The following SETD3 variants were observed in gnomAD, a reference collection of about 807,000 sequenced individuals.
SETD3 encodes SET domain containing 3, actin N3(tau)-histidine methyltransferase.
A neutral mutation model predicts 63.0 loss-of-function variants in SETD3; 19 were observed. That is an observed-to-expected ratio of 0.30 (90% CI 0.21 to 0.44). The LOEUF is 0.44. Ranked by LOEUF, SETD3 falls within the 20% of genes least tolerant of loss-of-function variation. The probability of loss-of-function intolerance (pLI) is 1.00; values close to 1 mark genes in which losing one functional copy is unlikely to be tolerated. For missense variants in SETD3, 587 were observed against 728.5 expected (o/e 0.81, Z 2.24); for synonymous variants, 286 against 264.1 (o/e 1.08, Z -0.80).
chr14:99,408,797 G>A (rs1174866474), intron 8 of SETD3, among the ~76,000 whole-genome samples: 1 of 152,132 alleles, frequency 6.6e-6, no homozygotes, highest in African/African-American at 2.4e-5. Flanking sequence ...CCTCTAGGAC[G>A]GTATCAAGTG....
chr14:99,424,069 A>T (rs1048681352), intron 6 of SETD3, among the ~76,000 whole-genome samples: 2 of 152,224 alleles, frequency 1.3e-5, no homozygotes, highest in African/African-American at 4.8e-5. Context: ...TAGTTTAATC[A>T]GTGCAGATCT....
intron 6 of SETD3, among the ~76,000 whole-genome samples, chr14:99,421,645 T>A (rs1018468970): frequency 6.6e-6 from 1 of 152,210 alleles, no homozygotes; most frequent in Non-Finnish European, 1.5e-5. Context: ...CATCATTTGC[T>A]GAGCGCTCTG....
At chr14:99,406,381 T>C (rs2139622613) in intron 9 of SETD3, 135 bp downstream of exon 9, 1 of 758,378 alleles carries the variant, frequency 1.3e-6, no homozygotes, top group Non-Finnish European at 2.3e-6. Flanking sequence ...TCAAGATGTG[T>C]TCCAGAAAAA....
At chr14:99,404,804 T>C (rs903882286) in intron 10 of SETD3, among the ~76,000 whole-genome samples, 16 of 152,222 alleles carry the variant, frequency 1.1e-4, no homozygotes, top group African/African-American at 2.9e-4. Flanking sequence ...AAGAAAATCT[T>C]AAAGAACTTA....
intron 6 of SETD3, among the ~76,000 whole-genome samples, chr14:99,430,051 C>T (rs1003552924): frequency 6.6e-6 from 1 of 152,140 alleles, no homozygotes; most frequent in Admixed American, 6.5e-5. Context: ...TCAAGATGGG[C>T]CTGATGGGCC....
intron 2 of SETD3, among the ~76,000 whole-genome samples, chr14:99,465,138 A>G (rs1254126558): frequency 2.0e-5 from 3 of 152,310 alleles, no homozygotes; most frequent in Non-Finnish European, 4.4e-5. Context: ...CCTGTTTAAA[A>G]AAGAAAAAAA....
At chr14:99,410,268 G>GT (rs1361342520) in intron 8 of SETD3, 10 of 1,612,560 alleles carry the variant, frequency 6.2e-6, no homozygotes, top group Non-Finnish European at 8.5e-6. Flanking sequence ...CACGGAGGGT[G>GT]TGGGGGGACA....
intron 6 of SETD3, among the ~76,000 whole-genome samples, chr14:99,453,461 G>A (rs927626711): frequency 3.9e-5 from 6 of 152,086 alleles, no homozygotes; most frequent in African/African-American, 1.4e-4. Flanking sequence ...TCCTGCCACC[G>A]CAGTGCACCT....
At chr14:99,466,750 T>C (rs769719101) in intron 1 of SETD3, among the ~76,000 whole-genome samples, 5 of 151,970 alleles carry the variant, frequency 3.3e-5, no homozygotes, top group East Asian at 3.9e-4. Context: ...GACAGGGTGA[T>C]AGTCACTGCC....
intron 1 of SETD3, among the ~76,000 whole-genome samples, chr14:99,472,952 G>T (rs1158058415): frequency 6.6e-6 from 1 of 152,132 alleles, no homozygotes; most frequent in Admixed American, 6.6e-5. Flanking sequence ...CTATAAAAAG[G>T]AACAGCTAAG....
At chr14:99,461,105 CACGTCT>C in intron 4 of SETD3, 81 bp downstream of exon 4, 1 of 1,472,686 alleles carries the variant, frequency 6.8e-7, no homozygotes. Flanking sequence ...TCCCCCACCA[CACGTCT>C]ACCTCTTCAC....
At chr14:99,429,205 A>C (rs1893041990) in intron 6 of SETD3, among the ~76,000 whole-genome samples, 1 of 152,140 alleles carries the variant, frequency 6.6e-6, no homozygotes, top group Non-Finnish European at 1.5e-5. Flanking sequence ...AACCCAGTAA[A>C]TGTTAGTGCC....
intron 6 of SETD3, among the ~76,000 whole-genome samples, chr14:99,421,048 C>A (rs1474637511): frequency 8.1e-6 from 1 of 123,980 alleles, no homozygotes; most frequent in East Asian, 2.4e-4. Flanking sequence ...CCTTTTGACA[C>A]TACCTGTCTC....
chr14:99,430,787 T>C (rs1468828752), intron 6 of SETD3, among the ~76,000 whole-genome samples: 2 of 152,172 alleles, frequency 1.3e-5, no homozygotes, highest in Non-Finnish European at 2.9e-5. Flanking sequence ...ACGAGCACCA[T>C]GCCCACCTGC....
chr14:99,463,655 T>G, intron 2 of SETD3, 77 bp from the exon 3 acceptor site: 2 of 1,160,922 alleles, frequency 1.7e-6, no homozygotes, highest in Non-Finnish European at 2.5e-6. Context: ...GAAAGAGGAT[T>G]TGGACTTTGT....
chr14:99,415,620 G>T (rs951542736), intron 6 of SETD3, among the ~76,000 whole-genome samples: 12 of 151,748 alleles, frequency 7.9e-5, no homozygotes, highest in Admixed American at 2.6e-4. Context: ...AAACACTCAA[G>T]AAAAAAATGT....
At chr14:99,472,022 G>A (rs547810346) in intron 1 of SETD3, among the ~76,000 whole-genome samples, 22 of 152,332 alleles carry the variant, frequency 1.4e-4, no homozygotes, top group African/African-American at 3.8e-4. Context: ...CTTCAAACCT[G>A]AAATCCTGCA....
chr14:99,434,870 A>C (rs1247202283), intron 6 of SETD3, among the ~76,000 whole-genome samples: 4 of 150,612 alleles, frequency 2.7e-5, no homozygotes, highest in East Asian at 1.9e-4. Flanking sequence ...AAAAAAAAAA[A>C]AAAAAACAAC....
At chr14:99,444,684 A>G (rs1313463854) in intron 6 of SETD3, among the ~76,000 whole-genome samples, 1 of 151,866 alleles carries the variant, frequency 6.6e-6, no homozygotes, top group Non-Finnish European at 1.5e-5. Context: ...CATGGCAAAA[A>G]CTCATCTCTA....
Sources: allele counts gnomAD v4.1 joint callset (sites outside exome capture counted in the v4.1 genomes callset), GRCh38; gene constraint gnomAD v4.1.1; transcripts MANE v1.5; gene names NCBI Gene and HGNC (gene_info 2026-07-23, HGNC 2026-07-21).